Variants in MKI67 observed in about 807,000 individuals in gnomAD.
MKI67 encodes the protein proliferation marker protein Ki-67.
In MKI67, 152 loss-of-function variants were observed where a neutral mutation model predicts 233.5. The ratio of observed to expected loss-of-function variants is 0.65; its 90% CI spans 0.57 to 0.74. The LOEUF is 0.74. Ranked by LOEUF, MKI67 falls within the 30% of genes least tolerant of loss-of-function variation. The pLI is 0.00. For synonymous variants in MKI67, 1,465 were observed against 1,418.5 expected (o/e 1.03, Z -0.74); for missense variants, 3,940 against 3,885.2 (o/e 1.01, Z -0.37).
At chr10:128,117,898 A>G (rs1293038436) in intron 5 of MKI67, among the ~76,000 whole-genome samples, 1 of 152,238 alleles carries the variant, frequency 6.6e-6, no homozygotes, top group Non-Finnish European at 1.5e-5. Context: ...CAGACCAGTA[A>G]CAGAACAAAC....
In MKI67 at chr10:128,115,573, C is replaced by T. The variant is rs565603209; in HGVS notation, c.835G>A (p.Gly279Ser). Residue 279 changes from glycine to serine, a missense_variant, in exon 7 of 15, where the codon GGT becomes AGT. Gly to Ser is a moderately conservative substitution (Grantham distance 56, BLOSUM62 0). Transcript: ENST00000368654. ...DYATEKESAD[G>S]LQGETQLLVS... Reference sequence around the variant, plus strand: ...AACAGTTGGGTCTCCCCCTGTAAACCATCAGCACTTTCTTTCTCTGTTGCG... The same window carrying T: ...AACAGTTGGGTCTCCCCCTGTAAACTATCAGCACTTTCTTTCTCTGTTGCG... 4.2e-5 allele frequency: 68 copies of T among 1,614,094 alleles called. No homozygotes were observed. The highest frequency in any genetic ancestry group is 5.6e-5 in the Non-Finnish European group (66 of 1,180,050).
At chr10:128,109,907 C>A (rs1173387653) in intron 12 of MKI67, among the ~76,000 whole-genome samples, 1 of 152,164 alleles carries the variant, frequency 6.6e-6, no homozygotes, top group Non-Finnish European at 1.5e-5. Context: ...ATACAGTGAC[C>A]AGTGCCAAAT....
Position 128,102,992 on chromosome 10 carries a change from G to C in MKI67, c.8848C>G (p.Pro2950Ala). 8 of 1,614,208 alleles carry C rather than the reference G, an allele frequency of 5.0e-6. No individual in the cohort carries two copies. The highest frequency in any genetic ancestry group is 6.8e-6 in the Non-Finnish European group (8 of 1,180,042). The change falls in exon 13 of 15, where the codon CCT (proline) becomes GCT (alanine). Residue 2950 changes from proline (P) to alanine (A), a missense_variant. Pro to Ala is a conservative substitution (Grantham distance 27). Coordinates refer to ENST00000368654, the MANE Select transcript of MKI67 (RefSeq NM_002417.5). ...ATTTTTAGAGGTTTTCCACTGTCAG[G>C]TGTTTGCTTTGGAGCGCTTGTAAAG... ...DSFTSAPKQTPDSGKPLKISR... is the reference protein window; with the variant it reads ...DSFTSAPKQTADSGKPLKISR...
chr10:128,116,958 G>A (rs1185777169), intron 5 of MKI67, among the ~76,000 whole-genome samples: 1 of 152,118 alleles, frequency 6.6e-6, no homozygotes, highest in East Asian at 1.9e-4. Context: ...CAAACCACTC[G>A]TATATGACTT....
At position 128,105,010 on chromosome 10, in the gene MKI67, T is replaced by C. The variant is rs140112410; in HGVS notation, c.6830A>G (p.Lys2277Arg). 9.9e-6 allele frequency: 16 copies of C among 1,613,398 alleles called. No homozygotes were observed. The highest frequency in any genetic ancestry group is 1.2e-5 in the Non-Finnish European group (14 of 1,179,930). ...DTPKPAGGDE[K>R]DMKAFMGTPV... ...AGTTCCCATAAATGCTTTCATGTCT[T>C]TCTCATCACCTCCTGCTGGTTTGGG... is the stretch of plus-strand genomic sequence containing the variant. The change falls in exon 13 of 15, where the codon AAA becomes AGA. Residue 2277 changes from lysine to arginine, a missense_variant. Lys to Arg is a conservative substitution (Grantham distance 26). Transcript: ENST00000368654.
In MKI67 at chr10:128,104,740, G is replaced by C. The variant is rs376757472; in HGVS notation, c.7100C>G (p.Ala2367Gly). Reference protein sequence around the residue: ...KQRPKRNLRKADVEEEFLALR... With the variant: ...KQRPKRNLRKGDVEEEFLALR... ...TGCTAAAAATTCTTCCTCTACGTCT[G>C]CTTTCCTGAGGTTTCTCTTGGGCCG... is the stretch of plus-strand genomic sequence containing the variant. Residue 2367 changes from alanine (A) to glycine (G), a missense_variant, in exon 13 of 15, where the codon GCA (alanine) becomes GGA (glycine). Transcript: ENST00000368654. 1.9e-6 allele frequency: 3 copies of C among 1,613,898 alleles called. No homozygotes were observed. The highest frequency in any genetic ancestry group is 2.5e-6 in the Non-Finnish European group (3 of 1,180,014).
chr10:128,105,147 G>C lies in MKI67; in HGVS notation c.6693C>G (p.Thr2231=). 1 of 1,613,020 alleles carries C rather than the reference G, an allele frequency of 6.2e-7. No homozygotes were observed. The highest frequency in any genetic ancestry group is 1.7e-5 in the Admixed American group (1 of 59,870). The part of the protein sequence containing the change: ...CRSPQPDPVG[T]PTIFKPQSKR... ...TGGACTGTGGCTTGAAGATTGTTGG[G>C]GTACCCACTGGGTCTGGTTGTGGAG... Residue 2231 remains threonine, a synonymous_variant, in exon 13 of 15, where the codon ACC becomes ACG. Coordinates refer to ENST00000368654, the MANE Select transcript of MKI67 (RefSeq NM_002417.5).
chr10:128,119,670 T>C (rs1852890853), intron 4 of MKI67, among the ~76,000 whole-genome samples: 2 of 152,230 alleles, frequency 1.3e-5, no homozygotes, highest in African/African-American at 4.8e-5. Flanking sequence ...TTTAAGTCCA[T>C]GGAAATCATC....
Position 128,103,941 on chromosome 10 carries a change from G to C in MKI67, c.7899C>G (p.His2633Gln). The change falls in exon 13 of 15, where the codon CAC (histidine) becomes CAG (glutamine). Residue 2633 changes from histidine to glutamine, a missense_variant. Transcript: ENST00000368654. ...TQTSGQSTHT[H>Q]KEPASGDEGI... ...CCTCATCACCGCTTGCTGGTTCTTT[G>C]TGTGTGTGTGTGCTTTGCCCTGATG... is the stretch of plus-strand genomic sequence containing the variant. 1.2e-6 allele frequency: 2 copies of C among 1,606,960 alleles called. No individual in the cohort carries two copies. Among genetic ancestry groups the C allele is most frequent in the Non-Finnish European group, 1.7e-6 (2 of 1,175,300 alleles).
Position 128,112,216 on chromosome 10 carries a change from ACT to A in MKI67, c.1884_1885del (p.Arg628SerfsTer9). 2 of 1,613,808 alleles carry A rather than the reference ACT, an allele frequency of 1.2e-6. No individual in the cohort carries two copies. Among genetic ancestry groups the A allele is most frequent in the East Asian group, 2.2e-5 (1 of 44,866 alleles). On this transcript the variant is annotated frameshift_variant, in exon 9 of 15. Transcript: ENST00000368654. LOFTEE classifies it high-confidence loss of function. Reference sequence around the variant, plus strand: ...ATCATGTTGACTTCGGCTGATAGACACTCTCTTTGAAGGCAGGTTGCCACTCT... The same window carrying A: ...ATCATGTTGACTTCGGCTGATAGACACTCTTTGAAGGCAGGTTGCCACTCT...
chr10:128,101,466 T>C lies in MKI67; in HGVS notation c.9497A>G (p.Gln3166Arg). ...TCCGCTCTCCTCTGCCACCTTAGGC[T>C]GGGAGCTCTCATTCTGTCTAGCAGA... ...LRSARQNESS[Q>R]PKVAEESGGQ... The change falls in exon 14 of 15, where the codon CAG (glutamine) becomes CGG (arginine). Residue 3166 changes from glutamine to arginine, a missense_variant. By Grantham distance (43) the Gln-to-Arg change is conservative (BLOSUM62 1). Transcript: ENST00000368654. The C allele has an allele frequency of 6.2e-7, 1 of 1,614,260 alleles. No homozygotes were observed. Among genetic ancestry groups the C allele is most frequent in the East Asian group, 2.2e-5 (1 of 44,886 alleles).
chr10:128,111,468 T>A, intron 11 of MKI67, 177 bp downstream of exon 11: 1 of 589,120 alleles, frequency 1.7e-6, no homozygotes, highest in South Asian at 2.8e-5. Context: ...CAGAGACTTG[T>A]CTTTGCAAGC....
At position 128,113,602 on chromosome 10, in the gene MKI67, T is replaced by C. The variant is rs772254383; in HGVS notation, c.1481A>G (p.Asn494Ser). 6.2e-7 allele frequency: 1 copy of C among 1,613,188 alleles called. No individual in the cohort carries two copies. Among genetic ancestry groups the C allele is most frequent in the Non-Finnish European group, 8.5e-7 (1 of 1,179,320 alleles). ...VDINNFGDSI[N>S]ESEGIPLKRR... The stretch of plus-strand genomic sequence containing the variant: ...TTTCAAAGGTATTCCCTCACTCTCA[T>C]CTAAAGTAACGGATACAAATGTGGA... The change falls in exon 8 of 15, where the codon AAT (asparagine) becomes AGT (serine). Residue 494 changes from asparagine to serine, a missense_variant and splice_region_variant. By Grantham distance (46) the Asn-to-Ser change is conservative. Transcript: ENST00000368654.
In MKI67 at chr10:128,109,033, A is replaced by G. The variant is rs753979824; in HGVS notation, c.2807T>C (p.Ile936Thr). Residue 936 changes from isoleucine to threonine, a missense_variant, in exon 13 of 15, where the codon ATT (isoleucine) becomes ACT (threonine). Ile to Thr is a moderately conservative substitution (Grantham distance 89). Transcript: ENST00000368654. ...CTTTTCATCGTTTTCTTTTAATTCA[A>G]TATTTTCCTTATATGTCTCAAAAGG... ...ERPFETYKEN[I>T]ELKENDEKMK... 5 of 1,614,018 alleles carry G rather than the reference A, an allele frequency of 3.1e-6. No homozygotes were observed. Among genetic ancestry groups the G allele is most frequent in the Admixed American group, 1.7e-5 (1 of 60,004 alleles).
At chr10:128,118,508 C>T (rs1852854950) in intron 5 of MKI67, among the ~76,000 whole-genome samples, 2 of 151,876 alleles carry the variant, frequency 1.3e-5, no homozygotes, top group African/African-American at 4.8e-5. Flanking sequence ...AGGAGCTCAT[C>T]TGAAACTAGC....
At chr10:128,119,640 C>G (rs1422743677) in intron 4 of MKI67, among the ~76,000 whole-genome samples, 4 of 152,166 alleles carry the variant, frequency 2.6e-5, no homozygotes, top group African/African-American at 4.8e-5. Flanking sequence ...CACATGAGAG[C>G]AAAGTCAAGT....
chr10:128,123,675 A>G (rs141239903), intron 2 of MKI67, among the ~76,000 whole-genome samples: 10 of 152,350 alleles, frequency 6.6e-5, no homozygotes, highest in African/African-American at 1.4e-4. Context: ...ATGGTTGTAC[A>G]TGTCACTAAT....
Position 128,123,149 on chromosome 10 carries a change from C to T in MKI67, c.113G>A (p.Arg38His), listed in dbSNP as rs764041173. The change falls in exon 3 of 15, where the codon CGT (arginine) becomes CAT (histidine). Residue 38 changes from arginine to histidine, a missense_variant. Coordinates refer to ENST00000368654, the MANE Select transcript of MKI67 (RefSeq NM_002417.5). ...LFGRGIECDI[R>H]IQLPVVSKQH... Reference sequence around the variant, plus strand: ...TTTTGACACAACAGGAAGCTGGATACGGATGTCACATTCAATACCCCTTCA... The same window carrying T: ...TTTTGACACAACAGGAAGCTGGATATGGATGTCACATTCAATACCCCTTCA... 19 of 1,613,576 alleles carry T rather than the reference C, an allele frequency of 1.2e-5. No homozygotes were observed. The highest frequency in any genetic ancestry group is 3.3e-5 in the South Asian group (3 of 91,072).
chr10:128,104,082 G>A lies in MKI67; in HGVS notation c.7758C>T (p.Cys2586=). 1 of 1,613,976 alleles carries A rather than the reference G, an allele frequency of 6.2e-7. No individual in the cohort carries two copies. Among genetic ancestry groups the A allele is most frequent in the Non-Finnish European group, 8.5e-7 (1 of 1,180,022 alleles). The part of the protein sequence containing the change: ...MTIDKNTKIP[C]KSPPPELTDT... ...CTGTTAGTTCTGGTGGGGGAGATTTGCAGGGAATTTTTGTGTTTTTGTCAA... is the reference window on the plus strand; with the variant it reads ...CTGTTAGTTCTGGTGGGGGAGATTTACAGGGAATTTTTGTGTTTTTGTCAA... The change falls in exon 13 of 15, where the codon TGC becomes TGT. Residue 2586 remains cysteine, a synonymous_variant. Coordinates refer to ENST00000368654, the MANE Select transcript of MKI67 (RefSeq NM_002417.5).
Sources: allele counts gnomAD v4.1 joint callset (sites outside exome capture counted in the v4.1 genomes callset), GRCh38; gene constraint gnomAD v4.1.1; transcripts MANE v1.5; gene names NCBI Gene and HGNC (gene_info 2026-07-23, HGNC 2026-07-21).